Variants in CISD2 observed in about 807,000 individuals in gnomAD.
CISD2 encodes the protein CDGSH iron sulfur domain 2.
In CISD2, 1 loss-of-function variant was observed where a neutral mutation model predicts 12.9. That is an observed-to-expected ratio of 0.08 (90% confidence interval 0.03 to 0.37). The LOEUF (loss-of-function observed/expected upper bound fraction) is 0.37. Among genes scored for constraint, CISD2 ranks in the 10% least tolerant of loss-of-function variants. CISD2 has a pLI of 0.99. For synonymous variants in CISD2, 50 were observed against 60.6 expected (o/e 0.83, Z 0.81); for missense variants, 97 against 163.1 (o/e 0.59, Z 2.21).
chr4:102,869,333 G>A, intron 1 of CISD2, 146 bp downstream of exon 1: 1 of 1,090,094 alleles, frequency 9.2e-7, no homozygotes, highest in Non-Finnish European at 1.4e-6. Context: ...GGCGCGCGCC[G>A]ACGCAGCTGC....
intron 2 of CISD2, among the ~76,000 whole-genome samples, chr4:102,885,853 A>G (rs1382967728): frequency 6.6e-6 from 1 of 152,222 alleles, no homozygotes; most frequent in Non-Finnish European, 1.5e-5. Flanking sequence ...CATCCACATT[A>G]CATATCTTTG....
At position 102,891,722 on chromosome 4, in the gene CISD2, A is replaced by G. The variant is rs1312982618; in HGVS notation, c.*4292A>G. 1 of 152,246 alleles carries G rather than the reference A, an allele frequency of 6.6e-6. No individual in the cohort carries two copies. The highest frequency in any genetic ancestry group is 1.9e-4 in the East Asian group (1 of 5,208). The allele number at this position is 152,246 out of a possible 1,614,324, so 9.4% of individuals were successfully genotyped here. On this transcript the variant is annotated 3_prime_UTR_variant, in exon 3 of 3. Coordinates refer to ENST00000273986, the MANE Select transcript of CISD2 (RefSeq NM_001008388.5). ...AAGCTTAATGACTATAATTTACTAC[A>G]TAATTATTTATTTTGTTAAAGTTTG...
At chr4:102,875,898 C>T (rs567948439) in intron 1 of CISD2, among the ~76,000 whole-genome samples, 2 of 152,326 alleles carry the variant, frequency 1.3e-5, no homozygotes, top group South Asian at 4.1e-4. Context: ...ATTCTGCGCT[C>T]AAGTGCTTGA....
At chr4:102,881,401 G>A (rs1486660125) in intron 1 of CISD2, among the ~76,000 whole-genome samples, 1 of 152,130 alleles carries the variant, frequency 6.6e-6, no homozygotes, top group Non-Finnish European at 1.5e-5. Context: ...TAATTTTAGT[G>A]TATATTTCAA....
In CISD2 at chr4:102,885,197, G is replaced by A. The variant is rs1241495750; in HGVS notation, c.104-19G>A. 3 of 1,597,376 alleles carry A rather than the reference G, an allele frequency of 1.9e-6. No homozygotes were observed. In the East Asian group the frequency reaches 6.7e-5, roughly 36 times the overall value. ...CTTTTCCAAGAGCACTGCAGATTCT[G>A]ACACATCTACATGTTTAGTTTCAGA... On this transcript the variant is annotated intron_variant, in intron 1 of 2. Coordinates refer to ENST00000273986, the MANE Select transcript of CISD2 (RefSeq NM_001008388.5).
At chr4:102,871,071 CTG>C (rs1733433084) in intron 1 of CISD2, among the ~76,000 whole-genome samples, 1 of 152,124 alleles carries the variant, frequency 6.6e-6, no homozygotes, top group Non-Finnish European at 1.5e-5. Flanking sequence ...CATAAGTTAA[CTG>C]TTGAGGAATT....
At chr4:102,869,485 T>TC (rs1360725254) in intron 1 of CISD2, 1 of 702,612 alleles carries the variant, frequency 1.4e-6, no homozygotes, top group East Asian at 2.7e-5. Flanking sequence ...CCAGTCTCTT[T>TC]CATCTCCTGT....
At chr4:102,884,068 C>A (rs963791827) in intron 1 of CISD2, among the ~76,000 whole-genome samples, 3 of 152,150 alleles carry the variant, frequency 2.0e-5, no homozygotes, top group South Asian at 4.1e-4. Flanking sequence ...GTACTATTAT[C>A]TCCTGAGAGT....
At chr4:102,885,536 A>G (rs1196759062) in intron 2 of CISD2, 106 bp downstream of exon 2, 1 of 861,866 alleles carries the variant, frequency 1.2e-6, no homozygotes, top group Non-Finnish European at 1.9e-6. Context: ...ATTTTCTGTA[A>G]TATTTGGTAT....
intron 1 of CISD2, among the ~76,000 whole-genome samples, chr4:102,880,645 A>T (rs384833): frequency 0.58 from 88,141 of 151,406 alleles, 27,140 homozygotes; most frequent in African/African-American, 0.8. Flanking sequence ...GCCACTGCAC[A>T]TCAGCCTGGG....
chr4:102,892,776 A>G lies in CISD2; in HGVS notation c.*5346A>G, dbSNP rs542313738. On this transcript the variant is annotated 3_prime_UTR_variant, in exon 3 of 3. Transcript: ENST00000273986. The stretch of plus-strand genomic sequence containing the variant: ...TCATAATTAGAGATAACCCTGTACT[A>G]GTGAGAAAATAAAAATGTCAAGTTT... 1 of 152,224 alleles carries G rather than the reference A, an allele frequency of 6.6e-6. No homozygotes were observed. Among genetic ancestry groups the G allele is most frequent in the Non-Finnish European group, 1.5e-5 (1 of 68,038 alleles). 9.4% of individuals were successfully genotyped at this position (152,224 alleles called of 1,614,324 possible).
intron 1 of CISD2, 98 bp from the exon 2 acceptor site, chr4:102,885,117 TA>T: frequency 1.0e-6 from 1 of 998,388 alleles, no homozygotes. Context: ...GGAATTAATG[TA>T]AAAAGTAACA....
chr4:102,873,087 T>G (rs1177859315), intron 1 of CISD2, among the ~76,000 whole-genome samples: 1 of 152,110 alleles, frequency 6.6e-6, no homozygotes, highest in Non-Finnish European at 1.5e-5. Context: ...TCATGAGAAC[T>G]CACTCACTAT....
chr4:102,884,658 A>G (rs561423732), intron 1 of CISD2, among the ~76,000 whole-genome samples: 1 of 152,326 alleles, frequency 6.6e-6, no homozygotes, highest in Admixed American at 6.5e-5. Context: ...TAAAATGAGA[A>G]CATTCAACAT....
Position 102,887,571 on chromosome 4 carries a change from T to G in CISD2, c.*141T>G. ...TGTTTGTATTTGATCCTTTGTCTATTCAGTCACTTAATTAGAAATTAAATT... is the reference window on the plus strand; with the variant it reads ...TGTTTGTATTTGATCCTTTGTCTATGCAGTCACTTAATTAGAAATTAAATT... On this transcript the variant is annotated 3_prime_UTR_variant, in exon 3 of 3. Transcript: ENST00000273986. 3.7e-6 allele frequency: 2 copies of G among 544,136 alleles called. No individual in the cohort carries two copies. Among genetic ancestry groups the G allele is most frequent in the Admixed American group, 3.3e-5 (1 of 30,600 alleles). 33.7% of individuals were successfully genotyped at this position (544,136 alleles called of 1,614,324 possible).
intron 1 of CISD2, among the ~76,000 whole-genome samples, chr4:102,883,876 T>C (rs1369473146): frequency 6.6e-6 from 1 of 152,266 alleles, no homozygotes; most frequent in Non-Finnish European, 1.5e-5. Flanking sequence ...CACCAATCTC[T>C]ATAATCTCTG....
intron 1 of CISD2, among the ~76,000 whole-genome samples, chr4:102,883,966 T>C (rs1290481101): frequency 6.6e-6 from 1 of 152,182 alleles, no homozygotes; most frequent in African/African-American, 2.4e-5. Flanking sequence ...GATAAATAGG[T>C]TTTTTCATTT....
At chr4:102,883,303 G>T (rs1320736598) in intron 1 of CISD2, among the ~76,000 whole-genome samples, 1 of 152,064 alleles carries the variant, frequency 6.6e-6, no homozygotes, top group Admixed American at 6.5e-5. Flanking sequence ...GGTAGGAGAC[G>T]ACTAGGGACC....
chr4:102,881,416 G>A (rs1004457340), intron 1 of CISD2, among the ~76,000 whole-genome samples: 3 of 152,140 alleles, frequency 2.0e-5, no homozygotes, highest in African/African-American at 4.8e-5. Context: ...TTTCAAAATA[G>A]GAGAGAAAAT....
Sources: allele counts gnomAD v4.1 joint callset (sites outside exome capture counted in the v4.1 genomes callset), GRCh38; gene constraint gnomAD v4.1.1; transcripts MANE v1.5; gene names NCBI Gene and HGNC (gene_info 2026-07-23, HGNC 2026-07-21).